The following MTDH variants were observed in gnomAD, a reference collection of about 807,000 sequenced individuals.
MTDH encodes metadherin.
Under a neutral mutation model 72.7 loss-of-function variants are expected in MTDH, and 34 were observed. The ratio of observed to expected loss-of-function variants is 0.47; its 90% CI spans 0.36 to 0.62. The LOEUF is 0.62. Among genes scored for constraint, MTDH ranks in the 20% least tolerant of loss-of-function variants. The pLI is 0.00. For synonymous variants in MTDH, 266 were observed against 268.9 expected (o/e 0.99, Z 0.10); for missense variants, 677 against 699.4 (o/e 0.97, Z 0.36).
chr8:97,687,396 C>A, intron 3 of MTDH, 33 bp from the exon 4 acceptor site: 1 of 1,551,670 alleles, frequency 6.4e-7, no homozygotes, highest in Non-Finnish European at 8.7e-7. Context: ...CTTCCCCTTA[C>A]TGAATAACAT....
In MTDH at chr8:97,729,689, G is replaced by A. The variant is rs1815486808; in HGVS notation, c.*5019G>A. 6.6e-6 allele frequency among the ~76,000 whole-genome samples: 1 copy of A among 152,114 alleles called. No individual in the cohort carries two copies. Among genetic ancestry groups the A allele is most frequent in the African/African-American group, 2.4e-5 (1 of 41,410 alleles). Reference sequence around the variant, plus strand: ...TTTTTTGTTTTTTTCTAGAGACAGAGTCTCGTTGCCCAGGCTGGTCTCCAA... The same window carrying A: ...TTTTTTGTTTTTTTCTAGAGACAGAATCTCGTTGCCCAGGCTGGTCTCCAA... On this transcript the variant is annotated 3_prime_UTR_variant, in exon 12 of 12. Transcript: ENST00000336273.
chr8:97,677,180 C>CAAAAAAAA (rs71271142), intron 2 of MTDH, among the ~76,000 whole-genome samples: 7 of 44,104 alleles, frequency 1.6e-4, no homozygotes, highest in African/African-American at 7.8e-4. Context: ...AAGCCTGTCT[C>CAAAAAAAA]AAAAAAAAAA....
chr8:97,672,197 A>G (rs764713585), intron 2 of MTDH, among the ~76,000 whole-genome samples: 10 of 152,194 alleles, frequency 6.6e-5, no homozygotes, highest in Admixed American at 5.2e-4. Flanking sequence ...TTATTTATTT[A>G]TCATTGGCAG....
Position 97,644,704 on chromosome 8 carries a change from G to A in MTDH, c.198G>A (p.Leu66=), listed in dbSNP as rs764743242. ...CGCTCGGGCTGCTGCTGCTGTTTCT[G>A]CTGGGCTACGGCTGGGCCGCGGCTT... is the stretch of plus-strand genomic sequence containing the variant. ...TGALGLLLLF[L]LGYGWAAACA... is the part of the protein sequence containing the mutation. The change falls in exon 1 of 12, where the codon CTG becomes CTA. Residue 66 remains leucine (L), a synonymous_variant. Transcript: ENST00000336273. 2 of 1,601,666 alleles carry A rather than the reference G, an allele frequency of 1.2e-6. No homozygotes were observed. Among genetic ancestry groups the A allele is most frequent in the East Asian group, 4.6e-5 (2 of 43,264 alleles).
At chr8:97,683,808 A>G (rs1447617148) in intron 2 of MTDH, among the ~76,000 whole-genome samples, 1 of 152,092 alleles carries the variant, frequency 6.6e-6, no homozygotes, top group African/African-American at 2.4e-5. Flanking sequence ...GTGGATATTG[A>G]GCACTTAAAA....
intron 1 of MTDH, among the ~76,000 whole-genome samples, chr8:97,658,752 A>C (rs1812068673): frequency 6.6e-6 from 1 of 152,218 alleles, no homozygotes; most frequent in Non-Finnish European, 1.5e-5. Flanking sequence ...CAGTTGGTAT[A>C]AGTCTTACAT....
At chr8:97,702,225 G>A (rs1324922238) in intron 7 of MTDH, among the ~76,000 whole-genome samples, 2 of 152,142 alleles carry the variant, frequency 1.3e-5, no homozygotes, top group Non-Finnish European at 2.9e-5. Flanking sequence ...TGTAACCCAT[G>A]TAAAAAGTCA....
chr8:97,721,439 T>TCACA (rs371480647), intron 10 of MTDH, among the ~76,000 whole-genome samples: 2 of 151,318 alleles, frequency 1.3e-5, no homozygotes, highest in East Asian at 3.9e-4. Context: ...TGAGACCCTG[T>TCACA]CACACACACA....
At chr8:97,658,323 G>A (rs1377159833) in intron 1 of MTDH, among the ~76,000 whole-genome samples, 3 of 152,226 alleles carry the variant, frequency 2.0e-5, no homozygotes, top group Admixed American at 6.5e-5. Flanking sequence ...CCTTTGGCTT[G>A]CTGATCATTT....
chr8:97,657,611 C>T (rs1795144201), intron 1 of MTDH, among the ~76,000 whole-genome samples: 1 of 152,076 alleles, frequency 6.6e-6, no homozygotes, highest in African/African-American at 2.4e-5. Flanking sequence ...TGAAGTGATC[C>T]TCCCATTTCA....
chr8:97,670,459 ATACAAAAAGAAAATT>A (rs1358149524), intron 2 of MTDH, among the ~76,000 whole-genome samples: 1 of 152,168 alleles, frequency 6.6e-6, no homozygotes, highest in Non-Finnish European at 1.5e-5. Flanking sequence ...TCTACTAAAA[ATACAAAAAGAAAATT>A]AGCTGGGTGT....
At chr8:97,720,139 G>A (rs1032442241) in intron 10 of MTDH, among the ~76,000 whole-genome samples, 1 of 152,020 alleles carries the variant, frequency 6.6e-6, no homozygotes, top group African/African-American at 2.4e-5. Flanking sequence ...ACAAAAATTG[G>A]CCAGGTGTGG....
chr8:97,679,882 T>C (rs936253471), intron 2 of MTDH, among the ~76,000 whole-genome samples: 28 of 152,292 alleles, frequency 1.8e-4, no homozygotes, highest in South Asian at 4.1e-4. Flanking sequence ...TGATTAGCAA[T>C]TGAGTATTGG....
chr8:97,691,935 A>G (rs1475349693), intron 6 of MTDH, among the ~76,000 whole-genome samples: 1 of 151,990 alleles, frequency 6.6e-6, no homozygotes, highest in Non-Finnish European at 1.5e-5. Context: ...GCTGGAGTGC[A>G]GTGGCGCGAT....
At chr8:97,656,935 T>C (rs1812000560) in intron 1 of MTDH, among the ~76,000 whole-genome samples, 4 of 151,420 alleles carry the variant, frequency 2.6e-5, no homozygotes. Flanking sequence ...TGAGCCAAGG[T>C]CATGCCACTA....
At chr8:97,685,199 G>T (rs1236218301) in intron 2 of MTDH, among the ~76,000 whole-genome samples, 15 of 151,440 alleles carry the variant, frequency 9.9e-5, no homozygotes, top group African/African-American at 3.4e-4. Context: ...TTTTTAAGTG[G>T]ATATGAGTCT....
chr8:97,697,130 A>AAAAAAAAAAAAAAATT (rs1813874804), intron 6 of MTDH, among the ~76,000 whole-genome samples: 2 of 93,394 alleles, frequency 2.1e-5, no homozygotes, highest in East Asian at 4.0e-4. Flanking sequence ...AAAAAAAAAA[A>AAAAAAAAAAAAAAATT]TATATATATA....
chr8:97,711,639 C>T (rs1393129010), intron 8 of MTDH, among the ~76,000 whole-genome samples: 1 of 152,194 alleles, frequency 6.6e-6, no homozygotes, highest in South Asian at 2.1e-4. Flanking sequence ...CACTTATACA[C>T]GGGATACATT....
intron 1 of MTDH, among the ~76,000 whole-genome samples, chr8:97,649,693 TC>T (rs1811689277): frequency 1.3e-5 from 2 of 151,966 alleles, no homozygotes; most frequent in Non-Finnish European, 2.9e-5. Context: ...AGCTTCCACT[TC>T]CCAGACTCAA....
Sources: gnomAD v4.1 joint callset for allele counts (sites outside exome capture counted in the v4.1 genomes callset) on GRCh38, gnomAD v4.1.1 for gene constraint, MANE v1.5 for transcripts, NCBI Gene and HGNC (gene_info 2026-07-23, HGNC 2026-07-21) for gene names.